The following MCF2L2 variants were observed in gnomAD, a reference collection of about 807,000 sequenced individuals.
The protein encoded by MCF2L2 is probable guanine nucleotide exchange factor MCF2L2.
MCF2L2 carries 102 observed loss-of-function variants against 150.2 expected under a neutral mutation model. The ratio of observed to expected loss-of-function variants is 0.68; its 90% CI spans 0.58 to 0.80. The LOEUF (loss-of-function observed/expected upper bound fraction) is 0.80. Ranked by LOEUF, MCF2L2 falls within the 30% of genes least tolerant of loss-of-function variation. MCF2L2 has a pLI of 0.00. For synonymous variants in MCF2L2, 465 were observed against 491.3 expected (o/e 0.95, Z 0.71); for missense variants, 1,256 against 1,372.8 (o/e 0.91, Z 1.34).
chr3:183,216,366 T>G (rs1722910530), intron 21 of MCF2L2, among the ~76,000 whole-genome samples: 1 of 147,880 alleles, frequency 6.8e-6, no homozygotes, highest in Non-Finnish European at 1.5e-5. Flanking sequence ...TCCTGCTACA[T>G]AAGAAACATA....
intron 14 of MCF2L2, among the ~76,000 whole-genome samples, chr3:183,282,705 T>C (rs1727571200): frequency 6.6e-6 from 1 of 152,220 alleles, no homozygotes; most frequent in Non-Finnish European, 1.5e-5. Flanking sequence ...TAAATTTCAT[T>C]GTAACAATTT....
intron 27 of MCF2L2, among the ~76,000 whole-genome samples, chr3:183,184,879 T>TTA (rs1464164451): frequency 6.6e-6 from 1 of 152,180 alleles, no homozygotes; most frequent in Non-Finnish European, 1.5e-5. Context: ...TTTATTGTCT[T>TTA]TCAAACTAGA....
At chr3:183,312,139 G>A (rs958985070) in intron 7 of MCF2L2, among the ~76,000 whole-genome samples, 3 of 152,126 alleles carry the variant, frequency 2.0e-5, no homozygotes, top group East Asian at 1.9e-4. Flanking sequence ...AATGTTGAAC[G>A]CTAGAAACTA....
rs192479802 is a variant in MCF2L2, at chr3:183,358,054, G to A, written c.276-16424C>T. On this transcript the variant is annotated intron_variant, in intron 3 of 29. Coordinates refer to ENST00000328913, the MANE Select transcript of MCF2L2 (RefSeq NM_015078.4). The stretch of plus-strand genomic sequence containing the variant: ...TGTAATCCCAGCACTTTGGGAGGCC[G>A]AGAAGGGCAGATGACCTGAGGTCAG... Among the ~76,000 whole-genome samples the A allele has an allele frequency of 5.0e-3, 767 of 152,224 alleles. 5 individuals are homozygous for A. The highest frequency in any genetic ancestry group is 0.014 in the Middle Eastern group (4 of 294).
intron 15 of MCF2L2, among the ~76,000 whole-genome samples, chr3:183,258,765 G>A (rs757492140): frequency 4.6e-5 from 7 of 151,716 alleles, no homozygotes; most frequent in Non-Finnish European, 8.8e-5. Flanking sequence ...TTTAGAGATG[G>A]GTCTCACTCT....
At chr3:183,303,981 T>C (rs1728979572) in intron 10 of MCF2L2, among the ~76,000 whole-genome samples, 1 of 152,148 alleles carries the variant, frequency 6.6e-6, no homozygotes, top group Admixed American at 6.6e-5. Flanking sequence ...CCACTTATTG[T>C]TCCCCAAATA....
At chr3:183,319,821 G>A (rs1729738385) in intron 6 of MCF2L2, among the ~76,000 whole-genome samples, 1 of 152,152 alleles carries the variant, frequency 6.6e-6, no homozygotes, top group Non-Finnish European at 1.5e-5. Flanking sequence ...TGCCATCCAG[G>A]CTCTGTTGTT....
chr3:183,321,171 C>T (rs1417646212), intron 6 of MCF2L2, among the ~76,000 whole-genome samples: 1 of 152,208 alleles, frequency 6.6e-6, no homozygotes, highest in African/African-American at 2.4e-5. Context: ...GGTGCAGTGG[C>T]TCATGCCTGT....
chr3:183,329,728 T>A (rs1393911891), intron 5 of MCF2L2, among the ~76,000 whole-genome samples: 1 of 152,188 alleles, frequency 6.6e-6, no homozygotes, highest in Admixed American at 6.5e-5. Context: ...ATGACAGAGA[T>A]CAATTCTGAG....
chr3:183,367,207 T>C (rs903417125), intron 3 of MCF2L2, among the ~76,000 whole-genome samples: 1 of 151,910 alleles, frequency 6.6e-6, no homozygotes, highest in Admixed American at 6.5e-5. Flanking sequence ...ATTTTAATGA[T>C]TTCTTTTCTT....
At chr3:183,284,356 C>A (rs190682219) in intron 14 of MCF2L2, among the ~76,000 whole-genome samples, 67 of 152,304 alleles carry the variant, frequency 4.4e-4, no homozygotes, top group Non-Finnish European at 4.4e-5. Context: ...GACAATGTTA[C>A]AAAGAGTGAG....
At chr3:183,381,052 G>A (rs1449834359) in intron 2 of MCF2L2, among the ~76,000 whole-genome samples, 2 of 152,172 alleles carry the variant, frequency 1.3e-5, no homozygotes, top group East Asian at 1.9e-4. Context: ...ATGCTAAGGC[G>A]CAGAGAATTG....
Position 183,325,632 on chromosome 3 carries a change from T to C in MCF2L2, c.487-2281A>G, listed in dbSNP as rs148267816. 4.4e-3 allele frequency among the ~76,000 whole-genome samples: 676 copies of C among 152,314 alleles called. 4 individuals are homozygous for C. Among genetic ancestry groups the C allele is most frequent in the African/African-American group, 0.015 (629 of 41,566 alleles). ...TTGCTTCTTGGAGTATGAGTTGCTA[T>C]GGTAATAATCGACATTTTAAAAAAG... On this transcript the variant is annotated intron_variant, in intron 5 of 29. Coordinates refer to ENST00000328913, the MANE Select transcript of MCF2L2 (RefSeq NM_015078.4).
chr3:183,251,863 G>A (rs1041455108), intron 15 of MCF2L2, among the ~76,000 whole-genome samples: 1 of 151,528 alleles, frequency 6.6e-6, no homozygotes, highest in Admixed American at 6.6e-5. Flanking sequence ...CCCAGAGTGG[G>A]CATTCTGGAC....
At chr3:183,423,742 G>A (rs1014214280) in intron 1 of MCF2L2, among the ~76,000 whole-genome samples, 2 of 147,748 alleles carry the variant, frequency 1.4e-5, no homozygotes, top group African/African-American at 2.5e-5. Flanking sequence ...GGGTTCAAGC[G>A]ATTCTCCTGC....
At chr3:183,410,269 G>A (rs895937553) in intron 1 of MCF2L2, among the ~76,000 whole-genome samples, 2 of 152,168 alleles carry the variant, frequency 1.3e-5, no homozygotes, top group African/African-American at 4.8e-5. Context: ...AACTCTCACA[G>A]CACTATCTAT....
chr3:183,322,239 A>G (rs1729841582), intron 6 of MCF2L2, among the ~76,000 whole-genome samples: 1 of 152,252 alleles, frequency 6.6e-6, no homozygotes, highest in Non-Finnish European at 1.5e-5. Flanking sequence ...GTAGGTAGGA[A>G]AAAGTAAAAT....
intron 6 of MCF2L2, among the ~76,000 whole-genome samples, chr3:183,322,555 A>T (rs1273453860): frequency 6.6e-6 from 1 of 152,270 alleles, no homozygotes; most frequent in Non-Finnish European, 1.5e-5. Context: ...CCATTTTAAC[A>T]GATGAAGAAA....
chr3:183,218,261 A>G (rs965291037), intron 21 of MCF2L2, among the ~76,000 whole-genome samples: 3 of 152,362 alleles, frequency 2.0e-5, no homozygotes, highest in East Asian at 3.9e-4. Flanking sequence ...GTAGCTTCTC[A>G]TTCATAATAA....
Sources: allele counts gnomAD v4.1 joint callset (sites outside exome capture counted in the v4.1 genomes callset), GRCh38; gene constraint gnomAD v4.1.1; transcripts MANE v1.5; gene names NCBI Gene and HGNC (gene_info 2026-07-23, HGNC 2026-07-21).